TMC1: variants seen among roughly 807,000 people sequenced by gnomAD.
The protein encoded by TMC1 is transmembrane channel like 1.
A neutral mutation model predicts 105.8 loss-of-function variants in TMC1; 84 were observed. The ratio of observed to expected loss-of-function variants is 0.79; its 90% confidence interval spans 0.67 to 0.95. The LOEUF is 0.95. Among genes scored for constraint, TMC1 ranks in the 40% least tolerant of loss-of-function variants. TMC1 has a pLI of 0.00. For synonymous variants in TMC1, 315 were observed against 311.5 expected, an observed-to-expected ratio of 1.01 and a Z score of -0.12; for missense variants, 817 against 914.1, an observed-to-expected ratio of 0.89 and a Z score of 1.37.
chr9:72,770,068 C>T (rs550436941), intron 12 of TMC1, among the ~76,000 whole-genome samples: 43 of 152,156 alleles, frequency 2.8e-4, no homozygotes, highest in African/African-American at 1.0e-3. Context: ...CTGGGAGATC[C>T]TCCCAAGCAT....
At chr9:72,651,347 C>T (rs1386425645) in intron 5 of TMC1, 1 of 152,224 alleles carries the variant, frequency 6.6e-6, no homozygotes, top group South Asian at 2.1e-4. Context: ...CAACAGACTT[C>T]TGAGTTGTAT....
At chr9:72,701,788 C>T (rs1292358031) in intron 8 of TMC1, among the ~76,000 whole-genome samples, 9 of 152,102 alleles carry the variant, frequency 5.9e-5, no homozygotes, top group Admixed American at 3.3e-4. Flanking sequence ...GCGCTTGAAG[C>T]GTAGCCATCA....
chr9:72,834,731 T>C (rs994521118), intron 23 of TMC1, among the ~76,000 whole-genome samples: 2 of 152,062 alleles, frequency 1.3e-5, no homozygotes, highest in African/African-American at 4.8e-5. Flanking sequence ...TTAGAAAAAA[T>C]TATTCCAGTC....
At position 72,694,629 on chromosome 9, in the gene TMC1, G is replaced by A. The variant is rs1446131992; in HGVS notation, c.151G>A (p.Glu51Lys). 1 of 1,612,946 alleles carries A rather than the reference G, an allele frequency of 6.2e-7. No homozygotes were observed. The highest frequency in any genetic ancestry group is 8.5e-7 in the Non-Finnish European group (1 of 1,179,532). The change falls in exon 7 of 24, where the codon GAG (glutamate) becomes AAG (lysine). Residue 51 changes from glutamate (E) to lysine (K), a missense_variant. Glu to Lys is a moderately conservative substitution (Grantham distance 56). Coordinates refer to ENST00000297784, the MANE Select transcript of TMC1 (RefSeq NM_138691.3). ...GAAACGGACCAGAGATGTTATCAAT[G>A]AGGATGACCCAGAACCTGAACCAGA... ...KRKRTRDVIN[E>K]DDPEPEPEDE...
chr9:72,581,558 G>C (rs1361004657), intron 2 of TMC1, among the ~76,000 whole-genome samples: 2 of 152,162 alleles, frequency 1.3e-5, no homozygotes, highest in Non-Finnish European at 2.9e-5. Context: ...ATTACTAAAA[G>C]AAGAATTACA....
At chr9:72,545,477 G>A (rs1444988660) in intron 1 of TMC1, among the ~76,000 whole-genome samples, 1 of 152,080 alleles carries the variant, frequency 6.6e-6, no homozygotes, top group Admixed American at 6.6e-5. Context: ...TCAATAGACA[G>A]TTTAACCAGA....
intron 5 of TMC1, among the ~76,000 whole-genome samples, chr9:72,660,294 G>A (rs1456428597): frequency 6.6e-6 from 1 of 152,110 alleles, no homozygotes; most frequent in African/African-American, 2.4e-5. Context: ...CACATGGTGA[G>A]TTTGAGAAAT....
At chr9:72,767,448 A>G (rs1827857244) in intron 12 of TMC1, among the ~76,000 whole-genome samples, 1 of 152,182 alleles carries the variant, frequency 6.6e-6, no homozygotes, top group Non-Finnish European at 1.5e-5. Context: ...ATTATGAAGG[A>G]GATGTTTTGC....
At chr9:72,611,140 C>T (rs904517435) in intron 2 of TMC1, among the ~76,000 whole-genome samples, 4 of 152,114 alleles carry the variant, frequency 2.6e-5, no homozygotes, top group Non-Finnish European at 4.4e-5. Flanking sequence ...ACGTATATTC[C>T]TTCAGGAAAT....
intron 1 of TMC1, among the ~76,000 whole-genome samples, chr9:72,566,020 G>C (rs1191417303): frequency 6.6e-6 from 1 of 152,032 alleles, no homozygotes; most frequent in Non-Finnish European, 1.5e-5. Context: ...GTGACTGATG[G>C]ACCATCTATA....
intron 9 of TMC1, 125 bp downstream of exon 9, chr9:72,740,334 T>C (rs2118015735): frequency 1.3e-6 from 1 of 744,774 alleles, no homozygotes; most frequent in South Asian, 1.7e-5. Context: ...TCATACAGTA[T>C]ATACACAGTA....
intron 1 of TMC1, among the ~76,000 whole-genome samples, chr9:72,528,409 AC>A (rs1823442340): frequency 6.7e-6 from 1 of 148,442 alleles, no homozygotes; most frequent in Non-Finnish European, 1.5e-5. Context: ...ATCTCGGCTC[AC>A]AACAAACTCC....
At chr9:72,669,662 A>G (rs1312146171) in intron 5 of TMC1, among the ~76,000 whole-genome samples, 1 of 152,170 alleles carries the variant, frequency 6.6e-6, no homozygotes, top group Non-Finnish European at 1.5e-5. Context: ...ACAAAAGAGA[A>G]AGGGTAAGAG....
intron 20 of TMC1, among the ~76,000 whole-genome samples, chr9:72,823,664 T>C (rs1828907459): frequency 6.6e-6 from 1 of 152,240 alleles, no homozygotes; most frequent in African/African-American, 2.4e-5. Context: ...AATTTAAAGA[T>C]GTCCAGATGA....
chr9:72,676,806 A>T, intron 5 of TMC1, among the ~76,000 whole-genome samples: 1 of 152,142 alleles, frequency 6.6e-6, no homozygotes, highest in East Asian at 1.9e-4. Context: ...CATGGCCGTG[A>T]TCTTGAAGAA....
intron 5 of TMC1, among the ~76,000 whole-genome samples, chr9:72,671,266 G>A (rs368432418): frequency 6.6e-5 from 10 of 152,278 alleles, no homozygotes; most frequent in South Asian, 6.2e-4. Flanking sequence ...ACCTTTTGTC[G>A]TGAGAGACAA....
At chr9:72,791,848 C>T (rs780667613) in intron 15 of TMC1, 38 bp from the exon 16 acceptor site, 1 of 1,571,060 alleles carries the variant, frequency 6.4e-7, no homozygotes, top group Non-Finnish European at 8.7e-7. Flanking sequence ...TAACTTTAAA[C>T]ACCATTAACC....
At chr9:72,820,454 G>A (rs571063944) in intron 19 of TMC1, among the ~76,000 whole-genome samples, 63 of 152,270 alleles carry the variant, frequency 4.1e-4, no homozygotes, top group African/African-American at 1.5e-3. Context: ...TTTTTAACAA[G>A]TTATATTTAT....
At position 72,743,034 on chromosome 9, in the gene TMC1, G is replaced by A. The variant is rs570343169; in HGVS notation, c.535+509G>A. ...GCAGATCACTTGAGGTCAGGAGTTC[G>A]AGACCAGCCTGGCCAGCGTGGTGAA... On this transcript the variant is annotated intron_variant, in intron 10 of 23. Coordinates refer to ENST00000297784, the MANE Select transcript of TMC1 (RefSeq NM_138691.3). 3.1e-3 allele frequency among the ~76,000 whole-genome samples: 477 copies of A among 152,166 alleles called. 2 individuals are homozygous for A. The highest frequency in any genetic ancestry group is 0.011 in the African/African-American group (457 of 41,512).
Sources: allele counts gnomAD v4.1 joint callset (sites outside exome capture counted in the v4.1 genomes callset), GRCh38; gene constraint gnomAD v4.1.1; transcripts MANE v1.5; gene names NCBI Gene and HGNC (gene_info 2026-07-23, HGNC 2026-07-21).